The following USP7 variants were observed in gnomAD, a reference collection of about 807,000 sequenced individuals.
USP7 encodes ubiquitin C-terminal hydrolase 7.
USP7 carries 9 observed loss-of-function variants against 162.9 expected under a neutral mutation model. That is an observed-to-expected ratio of 0.06 (90% CI 0.03 to 0.10). The LOEUF (loss-of-function observed/expected upper bound fraction) is 0.10, where lower values mean the gene tolerates loss of function less well. Among genes scored for constraint, USP7 ranks in the 10% least tolerant of loss-of-function variants. The pLI, the probability that USP7 is intolerant of heterozygous loss-of-function variation, is 1.00. For synonymous variants in USP7, 562 were observed against 475.9 expected, an observed-to-expected ratio of 1.18 and a Z score of -2.35; for missense variants, 715 against 1,373.7, an observed-to-expected ratio of 0.52 and a Z score of 7.58.
At chr16:8,938,937 ATT>A (rs1259327509) in intron 1 of USP7, among the ~76,000 whole-genome samples, 2 of 152,162 alleles carry the variant, frequency 1.3e-5, no homozygotes, top group Non-Finnish European at 2.9e-5. Flanking sequence ...GCATCTGTGG[ATT>A]TTGACACCCT....
intron 4 of USP7, 151 bp from the exon 5 acceptor site, chr16:8,920,598 C>G (rs1201255348): frequency 8.7e-6 from 6 of 692,046 alleles, no homozygotes; most frequent in Non-Finnish European, 1.2e-5. Context: ...TAGACTGTTT[C>G]AATTTTCTTT....
chr16:8,892,759 G>A lies in USP7; in HGVS notation c.*1239C>T, dbSNP rs916559128. The A allele has an allele frequency of 4.6e-5, 7 of 152,092 alleles. No individual in the cohort carries two copies. The highest frequency in any genetic ancestry group is 8.8e-5 in the Non-Finnish European group (6 of 68,030). The allele number at this position is 152,092 out of a possible 1,614,324, so 9.4% of individuals were successfully genotyped here. A position where few individuals can be genotyped will look rare whatever the true frequency, so the allele number is the denominator to read the frequency against. On this transcript the variant is annotated 3_prime_UTR_variant, in exon 31 of 31. Coordinates refer to ENST00000344836, the MANE Select transcript of USP7 (RefSeq NM_003470.3). ...AGTAGAAATCTTCCTCCACTTCCAC[G>A]TAACTCACTGAATTATAATTTTTAT...
chr16:8,920,537 A>G, intron 4 of USP7, 90 bp from the exon 5 acceptor site: 1 of 1,025,344 alleles, frequency 9.8e-7, no homozygotes, highest in Non-Finnish European at 1.4e-6. Context: ...TGTACTTAAT[A>G]GAGATGAAAA....
chr16:8,933,664 G>C (rs568883924), intron 1 of USP7, among the ~76,000 whole-genome samples: 1 of 152,006 alleles, frequency 6.6e-6, no homozygotes, highest in African/African-American at 2.4e-5. Flanking sequence ...TGTTGCCCAG[G>C]TTGGTCTTGA....
intron 15 of USP7, 65 bp from the exon 16 acceptor site, chr16:8,903,467 CACATTTAA>C: frequency 6.7e-7 from 1 of 1,498,746 alleles, no homozygotes; most frequent in Non-Finnish European, 9.0e-7. Flanking sequence ...CCACACTGAA[CACATTTAA>C]ACACTAAAAC....
In USP7 at chr16:8,930,431, A is replaced by C. The variant is rs369321319; in HGVS notation, c.80-34T>G. 3 of 1,536,126 alleles carry C rather than the reference A, an allele frequency of 2.0e-6. No homozygotes were observed. In the African/African-American group the frequency reaches 4.1e-5, roughly 21 times the overall value. ...AAGAAAAAGAAATTCCACGGGTTTT[A>C]CATTCATGGCTTTAATAGAATAAGC... On this transcript the variant is annotated intron_variant, in intron 1 of 30. Coordinates refer to ENST00000344836, the MANE Select transcript of USP7 (RefSeq NM_003470.3).
intron 1 of USP7, among the ~76,000 whole-genome samples, chr16:8,957,359 A>G (rs1899851060): frequency 6.6e-6 from 1 of 152,218 alleles, no homozygotes; most frequent in African/African-American, 2.4e-5. Flanking sequence ...CATGGCAAGA[A>G]ATATGTTGTT....
At chr16:8,898,337 T>C in intron 25 of USP7, 23 bp downstream of exon 25, 1 of 1,552,234 alleles carries the variant, frequency 6.4e-7, no homozygotes, top group Non-Finnish European at 8.8e-7. Flanking sequence ...AAAATTAAAA[T>C]TCATAGTATT....
At chr16:8,945,331 C>G (rs1306893598) in intron 1 of USP7, among the ~76,000 whole-genome samples, 1 of 152,136 alleles carries the variant, frequency 6.6e-6, no homozygotes, top group Non-Finnish European at 1.5e-5. Context: ...TTGCAGTGAG[C>G]CAAGACCATG....
chr16:8,917,281 T>C (rs747314351), intron 6 of USP7, 125 bp from the exon 7 acceptor site: 26 of 1,190,248 alleles, frequency 2.2e-5, no homozygotes, highest in Non-Finnish European at 2.8e-5. Context: ...AAGGTTGTTG[T>C]TAGGGCTTTT....
Position 8,896,988 on chromosome 16 carries a change from G to T in USP7, c.2819+11C>A, listed in dbSNP as rs1300475275. 2 of 1,609,060 alleles carry T rather than the reference G, an allele frequency of 1.2e-6. No homozygotes were observed. The highest frequency in any genetic ancestry group is 2.7e-5 in the African/African-American group (2 of 74,808). ...ACTGAACGTCCACAATTGGGCTCAA[G>T]AAATACTTGCCTAAGTTTCCCTGAT... is the stretch of plus-strand genomic sequence containing the variant. On this transcript the variant is annotated intron_variant, in intron 26 of 30. Transcript: ENST00000344836.
intron 15 of USP7, among the ~76,000 whole-genome samples, chr16:8,904,036 C>T (rs1285621497): frequency 1.3e-5 from 2 of 152,210 alleles, no homozygotes; most frequent in Admixed American, 1.3e-4. Context: ...CACTTAATCA[C>T]TTCTCTGTCT....
chr16:8,914,121 A>G (rs1476882739), intron 10 of USP7, among the ~76,000 whole-genome samples: 1 of 152,122 alleles, frequency 6.6e-6, no homozygotes, highest in Non-Finnish European at 1.5e-5. Context: ...TAAAATTGTT[A>G]AAGTATTTAA....
chr16:8,962,738 G>T (rs1004259987), intron 1 of USP7: 7 of 163,818 alleles, frequency 4.3e-5, no homozygotes, highest in Non-Finnish European at 8.1e-5. Flanking sequence ...TGATTTGGAA[G>T]AGCGCTTCCG....
At chr16:8,959,356 CA>C (rs34434646) in intron 1 of USP7, among the ~76,000 whole-genome samples, 38,534 of 142,398 alleles carry the variant, frequency 0.27, 5,206 homozygotes, top group Middle Eastern at 0.4. Flanking sequence ...AACACTAATT[CA>C]AAAAAAAAAA....
At chr16:8,933,177 T>A (rs1049892731) in intron 1 of USP7, among the ~76,000 whole-genome samples, 1 of 152,170 alleles carries the variant, frequency 6.6e-6, no homozygotes, top group Non-Finnish European at 1.5e-5. Context: ...TGACCTCAAG[T>A]GATCCACCTG....
intron 2 of USP7, among the ~76,000 whole-genome samples, chr16:8,925,189 C>G (rs1897923921): frequency 6.6e-6 from 1 of 152,112 alleles, no homozygotes; most frequent in African/African-American, 2.4e-5. Context: ...TACAAAGTGA[C>G]AATAGAGGAT....
intron 12 of USP7, among the ~76,000 whole-genome samples, chr16:8,907,965 G>A (rs1356438490): frequency 1.3e-5 from 2 of 152,088 alleles, no homozygotes; most frequent in African/African-American, 4.8e-5. Flanking sequence ...CTATTTAAAC[G>A]AATACACTAA....
intron 15 of USP7, 143 bp from the exon 16 acceptor site, chr16:8,903,545 G>A (rs981275536): frequency 1.9e-5 from 21 of 1,114,738 alleles, no homozygotes; most frequent in African/African-American, 3.2e-5. Flanking sequence ...AAGAAAAACC[G>A]CATAAAATGA....
Sources: allele counts gnomAD v4.1 joint callset (sites outside exome capture counted in the v4.1 genomes callset), GRCh38; gene constraint gnomAD v4.1.1; transcripts MANE v1.5; gene names NCBI Gene and HGNC (gene_info 2026-07-23, HGNC 2026-07-21).